The following NELL1 variants were observed in gnomAD, a reference collection of about 807,000 sequenced individuals.
The protein encoded by NELL1 is neural EGFL like 1, also known as protein kinase C-binding protein NELL1.
In NELL1, 76 loss-of-function variants were observed where a neutral mutation model predicts 107.4. The ratio of observed to expected loss-of-function variants is 0.71; its 90% CI spans 0.59 to 0.86. The LOEUF (loss-of-function observed/expected upper bound fraction) is 0.86, where lower values mean the gene tolerates loss of function less well. Among genes scored for constraint, NELL1 ranks in the 40% least tolerant of loss-of-function variants. The pLI is 0.00. For missense variants in NELL1, 1,024 were observed against 1,005.5 expected (o/e 1.02, Z -0.25); for synonymous variants, 353 against 341.2 (o/e 1.03, Z -0.38).
intron 3 of NELL1, among the ~76,000 whole-genome samples, chr11:20,840,113 T>A (rs1427507581): frequency 1.3e-5 from 2 of 152,218 alleles, no homozygotes; most frequent in African/African-American, 4.8e-5. Flanking sequence ...GGTTTATTTA[T>A]ATTAAATTAC....
chr11:21,176,967 TTTTTAA>T (rs1039654763), intron 13 of NELL1, among the ~76,000 whole-genome samples: 7 of 151,824 alleles, frequency 4.6e-5, no homozygotes, highest in Non-Finnish European at 1.0e-4. Context: ...TTAATTTTTA[TTTTTAA>T]TTTACAAAAA....
intron 15 of NELL1, among the ~76,000 whole-genome samples, chr11:21,374,995 C>G (rs879202260): frequency 6.6e-6 from 1 of 151,582 alleles, no homozygotes; most frequent in Admixed American, 6.6e-5. Context: ...AGGAAGAAGG[C>G]AGGAGTTTAT....
intron 2 of NELL1, among the ~76,000 whole-genome samples, chr11:20,766,306 G>A (rs1248906261): frequency 6.6e-6 from 1 of 152,160 alleles, no homozygotes; most frequent in Non-Finnish European, 1.5e-5. Flanking sequence ...CTGCAGGCAG[G>A]GTGAAAGCAG....
At chr11:21,240,663 C>T (rs1565126284) in intron 14 of NELL1, among the ~76,000 whole-genome samples, 1 of 146,812 alleles carries the variant, frequency 6.8e-6, no homozygotes, top group Non-Finnish European at 1.5e-5. Context: ...TTTTGTGGCA[C>T]AAGATACAAT....
At chr11:21,172,188 C>T (rs1856621937) in intron 13 of NELL1, among the ~76,000 whole-genome samples, 1 of 151,834 alleles carries the variant, frequency 6.6e-6, no homozygotes, top group Admixed American at 6.5e-5. Context: ...TATATGTCTC[C>T]TCAGCTCCTT....
At chr11:20,884,889 C>A (rs962231067) in intron 4 of NELL1, among the ~76,000 whole-genome samples, 1 of 152,170 alleles carries the variant, frequency 6.6e-6, no homozygotes, top group Non-Finnish European at 1.5e-5. Context: ...ATGACTTAAG[C>A]TGTGTAGTTC....
intron 15 of NELL1, among the ~76,000 whole-genome samples, chr11:21,400,989 G>A (rs1466373425): frequency 1.3e-5 from 2 of 151,878 alleles, no homozygotes; most frequent in Non-Finnish European, 2.9e-5. Context: ...ACCAGTGATG[G>A]CAGCAAAGAC....
chr11:21,110,107 T>G (rs1855071443), intron 12 of NELL1, among the ~76,000 whole-genome samples: 2 of 152,150 alleles, frequency 1.3e-5, no homozygotes, highest in Admixed American at 1.3e-4. Context: ...TATCTGGTGG[T>G]TACATGATGA....
chr11:20,875,549 C>T (rs561373331), intron 4 of NELL1, among the ~76,000 whole-genome samples: 3 of 152,086 alleles, frequency 2.0e-5, no homozygotes, highest in Non-Finnish European at 2.9e-5. Context: ...TCATGTATCC[C>T]GTGGATATAT....
At chr11:21,136,596 G>C (rs1217797727) in intron 13 of NELL1, among the ~76,000 whole-genome samples, 1 of 152,138 alleles carries the variant, frequency 6.6e-6, no homozygotes, top group Non-Finnish European at 1.5e-5. Context: ...TAATATTTAA[G>C]TGAGGAGACA....
intron 15 of NELL1, among the ~76,000 whole-genome samples, chr11:21,471,960 A>G (rs1427215937): frequency 6.6e-6 from 1 of 152,080 alleles, no homozygotes; most frequent in East Asian, 1.9e-4. Context: ...TCAACAAATA[A>G]AAAAGAAACA....
At chr11:21,051,037 G>A (rs1240796102) in intron 12 of NELL1, among the ~76,000 whole-genome samples, 1 of 152,084 alleles carries the variant, frequency 6.6e-6, no homozygotes, top group African/African-American at 2.4e-5. Flanking sequence ...CCCGGTGGTT[G>A]TCTACTCAGA....
intron 15 of NELL1, among the ~76,000 whole-genome samples, chr11:21,398,111 C>G (rs896976519): frequency 7.9e-5 from 12 of 151,490 alleles, no homozygotes; most frequent in African/African-American, 2.9e-4. Flanking sequence ...TATTTTTTAA[C>G]TTTGTTAATG....
intron 14 of NELL1, among the ~76,000 whole-genome samples, chr11:21,317,740 A>G (rs1849910599): frequency 6.6e-6 from 1 of 152,110 alleles, no homozygotes; most frequent in Non-Finnish European, 1.5e-5. Context: ...CACAGAGTTT[A>G]CTTTTTCTAA....
intron 15 of NELL1, among the ~76,000 whole-genome samples, chr11:21,455,953 A>C (rs1853719120): frequency 7.5e-6 from 1 of 133,180 alleles, no homozygotes; most frequent in Non-Finnish European, 1.6e-5. Context: ...CAGTGGCATG[A>C]TCTCGGCTCA....
At chr11:20,788,710 A>T (rs895507295) in intron 3 of NELL1, among the ~76,000 whole-genome samples, 6 of 150,114 alleles carry the variant, frequency 4.0e-5, no homozygotes, top group Admixed American at 1.3e-4. Flanking sequence ...ATTTTTTTTT[A>T]TTTTTTATTT....
intron 15 of NELL1, among the ~76,000 whole-genome samples, chr11:21,479,571 T>A (rs996630663): frequency 2.0e-5 from 3 of 152,088 alleles, no homozygotes; most frequent in Non-Finnish European, 4.4e-5. Flanking sequence ...AAGTGGTTAA[T>A]GGGTACAAAA....
intron 5 of NELL1, among the ~76,000 whole-genome samples, chr11:20,916,708 G>A (rs1020445667): frequency 6.6e-6 from 1 of 151,702 alleles, no homozygotes; most frequent in African/African-American, 2.4e-5. Context: ...TCCATAAGAT[G>A]GAAATCTATA....
intron 5 of NELL1, among the ~76,000 whole-genome samples, chr11:20,901,603 A>C (rs987714465): frequency 6.6e-6 from 1 of 151,510 alleles, no homozygotes; most frequent in African/African-American, 2.4e-5. Flanking sequence ...GCTGATGCTA[A>C]AATTTTTAGG....
Sources: allele counts gnomAD v4.1 joint callset (sites outside exome capture counted in the v4.1 genomes callset), GRCh38; gene constraint gnomAD v4.1.1; transcripts MANE v1.5; gene names NCBI Gene and HGNC (gene_info 2026-07-23, HGNC 2026-07-21).